Variants in FHIP2B observed in about 807,000 individuals in gnomAD.
FHIP2B encodes FHF complex subunit HOOK-interacting protein 2B.
In FHIP2B, 72 loss-of-function variants were observed where a neutral mutation model predicts 84.0. The ratio of observed to expected loss-of-function variants is 0.86; its 90% CI spans 0.71 to 1.04. The LOEUF is 1.04. Among genes scored for constraint, FHIP2B ranks in the 50% least tolerant of loss-of-function variants. FHIP2B has a pLI of 0.00. For missense variants in FHIP2B, 972 were observed against 968.9 expected (o/e 1.00, Z -0.04); for synonymous variants, 497 against 418.7 (o/e 1.19, Z -2.28).
Position 22,099,388 on chromosome 8 carries a change from CT to C in FHIP2B, c.1151+29del, listed in dbSNP as rs569115468. The stretch of plus-strand genomic sequence containing the variant: ...AAGTGTCTAGTTCCCTCAGGCATGA[CT>C]GTGGTCTACAGTAAACCACCTACCC... On this transcript the variant is annotated intron_variant, in intron 9 of 16. Transcript: ENST00000289921. The C allele has an allele frequency of 9.6e-5, 154 of 1,609,460 alleles. No homozygotes were observed. The African/African-American group carries it at 1.9e-3, about 20-fold the overall frequency.
At chr8:22,090,881 G>A (rs1825454752) in intron 1 of FHIP2B, among the ~76,000 whole-genome samples, 1 of 152,162 alleles carries the variant, frequency 6.6e-6, no homozygotes, top group African/African-American at 2.4e-5. Flanking sequence ...GCCTCCCAAA[G>A]TGGTGGGATT....
intron 2 of FHIP2B, chr8:22,095,239 C>T (rs984782020): frequency 6.6e-6 from 1 of 152,292 alleles, no homozygotes; most frequent in Non-Finnish European, 1.5e-5. Flanking sequence ...CCGGGCCAGC[C>T]CAGGAAATTC....
intron 2 of FHIP2B, 147 bp from the exon 3 acceptor site, chr8:22,096,190 T>A: frequency 1.4e-6 from 1 of 730,930 alleles, no homozygotes; most frequent in South Asian, 2.2e-5. Context: ...CACTGTAAAC[T>A]TCCATTTCCC....
intron 10 of FHIP2B, chr8:22,100,352 G>A (rs965987848): frequency 5.4e-5 from 24 of 441,568 alleles, no homozygotes; most frequent in African/African-American, 2.5e-4. Flanking sequence ...AGTAAGGCAC[G>A]GAGAAGCGAA....
At chr8:22,099,157 G>A (rs989206766) in intron 8 of FHIP2B, 101 bp downstream of exon 8, 20 of 1,490,268 alleles carry the variant, frequency 1.3e-5, no homozygotes, top group Non-Finnish European at 1.7e-5. Context: ...TGGGGTCCAG[G>A]AGCTAAGCGG....
intron 1 of FHIP2B, among the ~76,000 whole-genome samples, chr8:22,094,030 C>T (rs1324757758): frequency 6.6e-6 from 1 of 152,072 alleles, no homozygotes; most frequent in African/African-American, 2.4e-5. Flanking sequence ...GCCACATTTT[C>T]GATCTGTATC....
At position 22,100,591 on chromosome 8, in the gene FHIP2B, C is replaced by T; in HGVS notation, c.1342-3C>T. The T allele has an allele frequency of 6.5e-7, 1 of 1,537,162 alleles. No homozygotes were observed. Among genetic ancestry groups the T allele is most frequent in the Non-Finnish European group, 8.8e-7 (1 of 1,142,348 alleles). Reference sequence around the variant, plus strand: ...TATCCTGCCGACCCCCTTCCTGCTCCAGATCAGCATCACCACACTCCGGCT... The same window carrying T: ...TATCCTGCCGACCCCCTTCCTGCTCTAGATCAGCATCACCACACTCCGGCT... On this transcript the variant is annotated splice_region_variant and splice_polypyrimidine_tract_variant and intron_variant, in intron 10 of 16. Coordinates refer to ENST00000289921, the MANE Select transcript of FHIP2B (RefSeq NM_022749.7).
Position 22,103,166 on chromosome 8 carries a change from G to A in FHIP2B, c.*235G>A, listed in dbSNP as rs955915870. On this transcript the variant is annotated 3_prime_UTR_variant, in exon 17 of 17. Coordinates refer to ENST00000289921, the MANE Select transcript of FHIP2B (RefSeq NM_022749.7). ...GCAAGGTCCTTGGGGCCTTCTTGGAGGAGCTTGGGTGACAGCCAGGTGAGC... is the reference window on the plus strand; with the variant it reads ...GCAAGGTCCTTGGGGCCTTCTTGGAAGAGCTTGGGTGACAGCCAGGTGAGC... The A allele has an allele frequency of 1.7e-6, 1 of 575,364 alleles. No homozygotes were observed. Among genetic ancestry groups the A allele is most frequent in the Non-Finnish European group, 3.1e-6 (1 of 326,686 alleles). 35.6% of individuals were successfully genotyped at this position (575,364 alleles called of 1,614,324 possible). A position where few individuals can be genotyped will look rare whatever the true frequency, so the allele number is the denominator to read the frequency against.
Position 22,094,442 on chromosome 8 carries a change from C to T in FHIP2B, c.48C>T (p.Arg16=), listed in dbSNP as rs550354111. The change falls in exon 2 of 17, where the codon CGC becomes CGT. Residue 16 remains arginine (R), a splice_region_variant and synonymous_variant. Transcript: ENST00000289921. The part of the protein sequence containing the change: ...GALLQEAVGA[R]EPSIDLLQAF... ...GGTTGTGTGTCTGCCCTCCGCAGCG[C>T]GAGCCCAGCATTGACCTGCTGCAGG... 29 of 1,604,950 alleles carry T rather than the reference C, an allele frequency of 1.8e-5. No homozygotes were observed. The Admixed American group carries it at 2.0e-4, about 11-fold the overall frequency.
In FHIP2B at chr8:22,101,616, C is replaced by T. The variant is rs187224805; in HGVS notation, c.1707+86C>T. 44 of 1,556,216 alleles carry T rather than the reference C, an allele frequency of 2.8e-5. 1 individual carries two copies. In the Middle Eastern group the frequency reaches 6.7e-4, roughly 24 times the overall value. On this transcript the variant is annotated intron_variant, in intron 13 of 16. Transcript: ENST00000289921. ...TCTGGGTTCCGCCTCTCTCATCTGC[C>T]CAAGGACCCCAGCCCATCCCTCCTG...
At position 22,098,977 on chromosome 8, in the gene FHIP2B, C is replaced by G; in HGVS notation, c.995C>G (p.Ser332Cys). ...RLPSAPSDEASFPGKEALAAF... is the reference protein window; with the variant it reads ...RLPSAPSDEACFPGKEALAAF... ...CCCAGTGCCCCGTCTGATGAGGCTT[C>G]CTTCCCTGGCAAGGAGGCCTTGGCT... The change falls in exon 8 of 17, where the codon TCC (serine) becomes TGC (cysteine). Residue 332 changes from serine to cysteine, a missense_variant. Physicochemically the swap from Ser to Cys is moderately radical, Grantham distance 112 (BLOSUM62 -1). Transcript: ENST00000289921. The G allele has an allele frequency of 1.9e-6, 3 of 1,607,700 alleles. No individual in the cohort carries two copies. Among genetic ancestry groups the G allele is most frequent in the Non-Finnish European group, 2.5e-6 (3 of 1,176,922 alleles).
In FHIP2B at chr8:22,099,020, T is replaced by G; in HGVS notation, c.1038T>G (p.Phe346Leu). Residue 346 changes from phenylalanine (F) to leucine (L), a missense_variant, in exon 8 of 17, where the codon TTT becomes TTG. Coordinates refer to ENST00000289921, the MANE Select transcript of FHIP2B (RefSeq NM_022749.7). The part of the protein sequence containing the change: ...KEALAAFLGW[F>L]DYCDHLITEA... ...CCTTGGCTGCCTTCTTGGGCTGGTT[T>G]GATTACTGCGACCACCTCATCACAG... is the stretch of plus-strand genomic sequence containing the variant. 6.2e-7 allele frequency: 1 copy of G among 1,607,178 alleles called. No homozygotes were observed.
chr8:22,101,820 T>C lies in FHIP2B; in HGVS notation c.1820T>C (p.Leu607Pro). Residue 607 changes from leucine (L) to proline (P), a missense_variant, in exon 14 of 17, where the codon CTG (leucine) becomes CCG (proline). Coordinates refer to ENST00000289921, the MANE Select transcript of FHIP2B (RefSeq NM_022749.7). ...PFFEGHFLRV[L>P]FDRMSRILDQ... is the part of the protein sequence containing the mutation. ...TTCGAGGGCCACTTCCTCCGAGTGC[T>C]GTTTGACCGCATGTCCCGGATTCTG... is the stretch of plus-strand genomic sequence containing the variant. 6.2e-7 allele frequency: 1 copy of C among 1,613,638 alleles called. No individual in the cohort carries two copies. The highest frequency in any genetic ancestry group is 8.5e-7 in the Non-Finnish European group (1 of 1,179,820).
chr8:22,089,564 C>T (rs1825356291), intron 1 of FHIP2B, among the ~76,000 whole-genome samples: 1 of 152,076 alleles, frequency 6.6e-6, no homozygotes, highest in African/African-American at 2.4e-5. Flanking sequence ...GCGTCCTGGC[C>T]CCGGAGTCTC....
rs754579255 is a variant in FHIP2B at position 22,094,440 on chromosome 8, C to G, written c.46C>G (p.Arg16Gly). Residue 16 changes from arginine (R) to glycine (G), a missense_variant and splice_region_variant, in exon 2 of 17, where the codon CGC becomes GGC. Transcript: ENST00000289921. ...GALLQEAVGA[R>G]EPSIDLLQAF... ...GAGGTTGTGTGTCTGCCCTCCGCAG[C>G]GCGAGCCCAGCATTGACCTGCTGCA... 6.2e-7 allele frequency: 1 copy of G among 1,604,486 alleles called. No individual in the cohort carries two copies. Among genetic ancestry groups the G allele is most frequent in the African/African-American group, 1.3e-5 (1 of 74,164 alleles).
chr8:22,098,903 A>G lies in FHIP2B; in HGVS notation c.966-45A>G, dbSNP rs762639146. 8.7e-6 allele frequency: 13 copies of G among 1,488,352 alleles called. No individual in the cohort carries two copies. In the East Asian group the frequency reaches 1.2e-4, roughly 14 times the overall value. The allele number at this position is 1,488,352 out of a possible 1,614,324, so 92.2% of individuals were successfully genotyped here. A position where few individuals can be genotyped will look rare whatever the true frequency, so the allele number is the denominator to read the frequency against. ...CAGGACACATTGAGGAAGACCTTGA[A>G]GCTCCTTCTCCACTCTCTGAGACTT... On this transcript the variant is annotated intron_variant, in intron 7 of 16. Coordinates refer to ENST00000289921, the MANE Select transcript of FHIP2B (RefSeq NM_022749.7).
rs762073697 is a variant in FHIP2B, at chr8:22,099,043, C to T, written c.1061C>T (p.Thr354Ile). 2 of 1,601,822 alleles carry T rather than the reference C, an allele frequency of 1.2e-6. No individual in the cohort carries two copies. Among genetic ancestry groups the T allele is most frequent in the Admixed American group, 3.4e-5 (2 of 58,768 alleles). ...TTTGATTACTGCGACCACCTCATCA[C>T]AGAGGCACACACGGTGAGCAGGGGC... ...GWFDYCDHLITEAHTVVADAL... is the reference protein window; with the variant it reads ...GWFDYCDHLIIEAHTVVADAL... The change falls in exon 8 of 17, where the codon ACA becomes ATA. Residue 354 changes from threonine to isoleucine, a missense_variant. Thr to Ile is a moderately conservative substitution (Grantham distance 89). Transcript: ENST00000289921.
intron 8 of FHIP2B, 56 bp from the exon 9 acceptor site, chr8:22,099,228 T>C: frequency 6.3e-7 from 1 of 1,597,676 alleles, no homozygotes; most frequent in Non-Finnish European, 8.5e-7. Context: ...AACACGGTTA[T>C]TTCTCAGCTG....
rs373477772 is a variant in FHIP2B at position 22,100,872 on chromosome 8, G to A, written c.1516G>A (p.Asp506Asn). The A allele has an allele frequency of 1.2e-5, 20 of 1,613,702 alleles. No homozygotes were observed. The highest frequency in any genetic ancestry group is 3.3e-5 in the Admixed American group (2 of 59,996). ...CCTGGAGGAAGACCCCTACTTCACC[G>A]ACAGCTTCCTGGATTCCGGCTTTCA... Reference protein sequence around the residue: ...LDLEEDPYFTDSFLDSGFQTP... With the variant: ...LDLEEDPYFTNSFLDSGFQTP... Residue 506 changes from aspartate (D) to asparagine (N), a missense_variant, in exon 12 of 17, where the codon GAC (aspartate) becomes AAC (asparagine). Transcript: ENST00000289921.
Sources: gnomAD v4.1 joint callset for allele counts (sites outside exome capture counted in the v4.1 genomes callset) on GRCh38, gnomAD v4.1.1 for gene constraint, MANE v1.5 for transcripts, NCBI Gene and HGNC (gene_info 2026-07-23, HGNC 2026-07-21) for gene names.